The following RAB38 variants were observed in gnomAD, a reference collection of about 807,000 sequenced individuals.
RAB38 encodes ras-related protein Rab-38.
Under a neutral mutation model 18.4 loss-of-function variants are expected in RAB38, and 15 were observed. The observed-to-expected ratio is 0.82, with a 90% CI of 0.55 to 1.26. The LOEUF is 1.26. RAB38 is among the 50% of genes most tolerant of loss of function. RAB38 has a pLI of 0.00. For synonymous variants in RAB38, 101 were observed against 104.4 expected (o/e 0.97, Z 0.20); for missense variants, 294 against 267.4 (o/e 1.10, Z -0.69).
chr11:87,939,595 C>T, the RAB38 span, among the ~76,000 whole-genome samples: 7,231 of 152,084 alleles, frequency 0.048, 596 homozygotes, highest in African/African-American at 0.17. Context: ...TGGTGACTCA[C>T]GCCTGTAATC....
At chr11:87,944,138 C>G in the RAB38 span, among the ~76,000 whole-genome samples, 1 of 151,960 alleles carries the variant, frequency 6.6e-6, no homozygotes, top group African/African-American at 2.4e-5. Flanking sequence ...TAGCATTATT[C>G]TAAAAAGAAA....
At chr11:87,813,486 T>C in the RAB38 span, among the ~76,000 whole-genome samples, 145,411 of 151,948 alleles carry the variant, frequency 0.96, 69,593 homozygotes, top group East Asian at 1. Context: ...TGCACACATA[T>C]ACATCATACA....
At chr11:88,031,968 G>C in the RAB38 span, among the ~76,000 whole-genome samples, 1 of 151,104 alleles carries the variant, frequency 6.6e-6, no homozygotes, top group Non-Finnish European at 1.5e-5. Flanking sequence ...CACACTACCT[G>C]ACTTCAAACT....
the RAB38 span, among the ~76,000 whole-genome samples, chr11:88,014,629 C>G: frequency 1.3e-5 from 2 of 152,046 alleles, no homozygotes; most frequent in African/African-American, 4.8e-5. Flanking sequence ...CTCCCATCAC[C>G]CATACCTACC....
the RAB38 span, among the ~76,000 whole-genome samples, chr11:87,838,750 A>G: frequency 5.9e-5 from 9 of 152,222 alleles, no homozygotes; most frequent in Admixed American, 5.9e-4. Context: ...TACACTGTGG[A>G]AACAACATAT....
At chr11:88,076,478 A>G in the RAB38 span, among the ~76,000 whole-genome samples, 2 of 152,172 alleles carry the variant, frequency 1.3e-5, no homozygotes, top group South Asian at 2.1e-4. Flanking sequence ...AAAGAAGTCA[A>G]ATTAGCTATG....
chr11:87,918,830 C>G, the RAB38 span, among the ~76,000 whole-genome samples: 1 of 151,552 alleles, frequency 6.6e-6, no homozygotes, highest in Non-Finnish European at 1.5e-5. Flanking sequence ...TGTCTCCTTA[C>G]TCTAGTAATT....
the RAB38 span, among the ~76,000 whole-genome samples, chr11:87,908,306 T>A: frequency 6.6e-6 from 1 of 152,008 alleles, no homozygotes; most frequent in African/African-American, 2.4e-5. Flanking sequence ...CACTAATCTT[T>A]CTAATCTTGA....
chr11:87,806,498 T>G, the RAB38 span, among the ~76,000 whole-genome samples: 6 of 152,180 alleles, frequency 3.9e-5, no homozygotes, highest in Non-Finnish European at 8.8e-5. Context: ...ACTGTTACAT[T>G]GGGAATATCT....
At chr11:88,022,171 G>A in the RAB38 span, among the ~76,000 whole-genome samples, 1 of 152,146 alleles carries the variant, frequency 6.6e-6, no homozygotes, top group Non-Finnish European at 1.5e-5. Flanking sequence ...GTATCCCAGG[G>A]ATGTAAGGAT....
At chr11:88,087,113 T>C in the RAB38 span, among the ~76,000 whole-genome samples, 1 of 151,892 alleles carries the variant, frequency 6.6e-6, no homozygotes, top group South Asian at 2.1e-4. Context: ...TGAAAGGCAT[T>C]ATACAACTTG....
chr11:88,030,406 C>T, the RAB38 span, among the ~76,000 whole-genome samples: 6 of 152,028 alleles, frequency 3.9e-5, no homozygotes, highest in South Asian at 6.2e-4. Flanking sequence ...AATAGAGACA[C>T]AAAAAACTCT....
chr11:88,047,034 T>G, the RAB38 span, among the ~76,000 whole-genome samples: 1 of 152,188 alleles, frequency 6.6e-6, no homozygotes, highest in Non-Finnish European at 1.5e-5. Context: ...AGCCCTCAAT[T>G]CTGCGTGCAG....
the RAB38 span, among the ~76,000 whole-genome samples, chr11:87,863,152 A>C: frequency 7.6e-4 from 116 of 151,990 alleles, 1 homozygote; most frequent in African/African-American, 2.7e-3. Flanking sequence ...GCGGGACTAG[A>C]ATGGTCTTCC....
the RAB38 span, among the ~76,000 whole-genome samples, chr11:87,976,662 A>C: frequency 8.7e-6 from 1 of 114,608 alleles, no homozygotes; most frequent in South Asian, 2.5e-4. Flanking sequence ...AAATATATAT[A>C]ATTTTATATG....
the RAB38 span, among the ~76,000 whole-genome samples, chr11:87,976,725 T>C: frequency 8.4e-6 from 1 of 119,718 alleles, no homozygotes; most frequent in Admixed American, 9.7e-5. Flanking sequence ...TTTCTATATA[T>C]TTTATATAAT....
chr11:88,060,544 A>T, the RAB38 span, among the ~76,000 whole-genome samples: 1 of 152,202 alleles, frequency 6.6e-6, no homozygotes, highest in East Asian at 1.9e-4. Flanking sequence ...AGGTCAAGCA[A>T]CTTGCCCAAG....
chr11:88,075,920 A>T, the RAB38 span, among the ~76,000 whole-genome samples: 1 of 151,778 alleles, frequency 6.6e-6, no homozygotes, highest in East Asian at 1.9e-4. Flanking sequence ...GAAAAACTTC[A>T]AACAACCTAA....
chr11:88,135,277 G>A (rs61909932), intron 2 of RAB38, among the ~76,000 whole-genome samples: 44 of 152,070 alleles, frequency 2.9e-4, no homozygotes, highest in African/African-American at 8.9e-4. Flanking sequence ...TATATATTAC[G>A]TTTATTTACC....
Sources: allele counts gnomAD v4.1 joint callset (sites outside exome capture counted in the v4.1 genomes callset), GRCh38; gene constraint gnomAD v4.1.1; transcripts MANE v1.5; gene names NCBI Gene and HGNC (gene_info 2026-07-23, HGNC 2026-07-21).